Variants in NOX5 observed in about 807,000 individuals in gnomAD.
NOX5 encodes NADPH oxidase, EF-hand calcium binding domain 5.
A neutral mutation model predicts 85.7 loss-of-function variants in NOX5; 76 were observed. That is an observed-to-expected ratio of 0.89 (90% CI 0.74 to 1.07). The LOEUF is 1.07. Among genes scored for constraint, NOX5 ranks in the 50% least tolerant of loss-of-function variants. The pLI, the probability that NOX5 is intolerant of heterozygous loss-of-function variation, is 0.00. For missense variants in NOX5, 973 were observed against 999.5 expected (o/e 0.97, Z 0.36); for synonymous variants, 405 against 401.4 (o/e 1.01, Z -0.11).
chr15:69,046,485 G>T (rs2050675214), intron 10 of NOX5, among the ~76,000 whole-genome samples: 1 of 152,222 alleles, frequency 6.6e-6, no homozygotes, highest in South Asian at 2.1e-4. Context: ...AAACTGACTT[G>T]TGCTGGACCA....
chr15:69,019,064 T>C (rs1390158651), intron 1 of NOX5, among the ~76,000 whole-genome samples: 2 of 152,200 alleles, frequency 1.3e-5, no homozygotes, highest in African/African-American at 2.4e-5. Flanking sequence ...GGTTTCACTA[T>C]GTTGCGCAGG....
chr15:69,017,775 TACACACACACAC>T (rs35677555), intron 1 of NOX5, among the ~76,000 whole-genome samples: 14 of 146,758 alleles, frequency 9.5e-5, no homozygotes, highest in African/African-American at 3.2e-4. Flanking sequence ...ATATATTTTA[TACACACACACAC>T]ACACACACAC....
At position 69,033,096 on chromosome 15, in the gene NOX5, G is replaced by A. The variant is rs753269548; in HGVS notation, c.674G>A (p.Arg225His). The change falls in exon 5 of 16, where the codon CGC becomes CAC. Residue 225 changes from arginine to histidine, a missense_variant. Coordinates refer to ENST00000388866, the MANE Select transcript of NOX5 (RefSeq NM_024505.4). ...PAPRPRPRRP[R>H]QLTRAYWHNH... ...CCCCGCCCACGCCCGCGCCGGCCGCGCCAGCTGACCCGCGCCTACTGGCAC... is the reference window on the plus strand; with the variant it reads ...CCCCGCCCACGCCCGCGCCGGCCGCACCAGCTGACCCGCGCCTACTGGCAC... 4 of 1,554,282 alleles carry A rather than the reference G, an allele frequency of 2.6e-6. No individual in the cohort carries two copies. Among genetic ancestry groups the A allele is most frequent in the Non-Finnish European group, 3.5e-6 (4 of 1,157,644 alleles).
intron 15 of NOX5, 105 bp from the exon 16 acceptor site, chr15:69,056,460 T>C (rs1310971821): frequency 2.1e-6 from 3 of 1,450,388 alleles, no homozygotes; most frequent in African/African-American, 2.8e-5. Flanking sequence ...GGAATGCTCA[T>C]TGCTGCCGAC....
chr15:69,046,985 A>G lies in NOX5; in HGVS notation c.1692+119A>G, dbSNP rs2050681852. On this transcript the variant is annotated intron_variant, in intron 11 of 15. Coordinates refer to ENST00000388866, the MANE Select transcript of NOX5 (RefSeq NM_024505.4). ...GGGTACTCAAGCTCCTCAAATCCTC[A>G]TGGGCTGACATCCAGGTATCCGGGT... The G allele has an allele frequency of 5.0e-6, 5 of 990,358 alleles. No homozygotes were observed. In the South Asian group the frequency reaches 5.9e-5, roughly 12 times the overall value. The allele number at this position is 990,358 out of a possible 1,614,324, so 61.3% of individuals were successfully genotyped here. A position where few individuals can be genotyped will look rare whatever the true frequency, so the allele number is the denominator to read the frequency against.
chr15:69,031,877 G>A, intron 4 of NOX5, 65 bp downstream of exon 4: 5 of 1,485,882 alleles, frequency 3.4e-6, no homozygotes, highest in East Asian at 4.8e-5. Flanking sequence ...CGGAAGTGTG[G>A]CAGGAACTCA....
chr15:69,025,914 C>T (rs575971844), intron 1 of NOX5, among the ~76,000 whole-genome samples: 60 of 152,148 alleles, frequency 3.9e-4, no homozygotes, highest in Non-Finnish European at 7.2e-4. Flanking sequence ...AGAGTTAAGA[C>T]CTGAGGGCTG....
chr15:69,042,547 C>A, intron 9 of NOX5, 116 bp from the exon 10 acceptor site: 1 of 1,156,718 alleles, frequency 8.6e-7, no homozygotes, highest in Middle Eastern at 3.0e-4. Flanking sequence ...GAAGGACATT[C>A]AAACCAGGAC....
intron 8 of NOX5, chr15:69,038,293 T>C (rs977488964): frequency 6.0e-6 from 1 of 166,874 alleles, no homozygotes; most frequent in African/African-American, 2.4e-5. Flanking sequence ...CAGCCTCAGC[T>C]GCATTCAGAT....
chr15:69,035,597 G>C, intron 6 of NOX5, 90 bp downstream of exon 6: 1 of 1,560,702 alleles, frequency 6.4e-7, no homozygotes. Flanking sequence ...TGTACTGCCT[G>C]CCCAAAGGGC....
At chr15:69,043,900 T>C (rs1466010294) in intron 10 of NOX5, among the ~76,000 whole-genome samples, 1 of 152,118 alleles carries the variant, frequency 6.6e-6, no homozygotes, top group East Asian at 1.9e-4. Context: ...AAAAGCTAAT[T>C]GGGGGCCGGG....
chr15:69,030,764 A>T (rs2050418465), intron 3 of NOX5: 1 of 152,220 alleles, frequency 6.6e-6, no homozygotes, highest in African/African-American at 2.4e-5. Flanking sequence ...TCCTTCTCCC[A>T]GATACTGCGT....
Position 69,033,231 on chromosome 15 carries a change from C to T in NOX5, c.809C>T (p.Ala270Val), listed in dbSNP as rs759083636. 1.9e-6 allele frequency: 3 copies of T among 1,598,112 alleles called. No homozygotes were observed. The highest frequency in any genetic ancestry group is 3.3e-5 in the Admixed American group (2 of 59,768). ...GACCTCGGCGCCAGCGTCATGGTGG[C>T]CAAGGGCTGCGGCCAGTGCCTCAAC... is the stretch of plus-strand genomic sequence containing the variant. ...HRDLGASVMV[A>V]KGCGQCLNFD... The change falls in exon 5 of 16, where the codon GCC becomes GTC. Residue 270 changes from alanine (A) to valine (V), a missense_variant. Physicochemically the swap from Ala to Val is moderately conservative, Grantham distance 64. Transcript: ENST00000388866.
At chr15:69,017,410 C>T (rs1042814133) in intron 1 of NOX5, among the ~76,000 whole-genome samples, 1 of 152,124 alleles carries the variant, frequency 6.6e-6, no homozygotes, top group Admixed American at 6.5e-5. Flanking sequence ...CCTCGGCCCC[C>T]CAAAGTACTG....
chr15:69,047,088 A>C (rs2050683197), intron 11 of NOX5: 2 of 594,054 alleles, frequency 3.4e-6, no homozygotes, highest in South Asian at 4.4e-5. Flanking sequence ...CTTCACCAGG[A>C]GCAGGGATGG....
At position 69,056,747 on chromosome 15, in the gene NOX5, T is replaced by C. The variant is rs311906; in HGVS notation, c.*51T>C. On this transcript the variant is annotated 3_prime_UTR_variant, in exon 16 of 16. Transcript: ENST00000388866. ...AGTCCACACCATGGGTCTGCTTCAT[T>C]GCATTAGTATAAATGCCCCCACAGG... The C allele has an allele frequency of 0.99, 1,592,856 of 1,601,484 alleles. 792,454 individuals carry two copies. Among genetic ancestry groups the C allele is most frequent in the East Asian group, 1 (44,816 of 44,816 alleles).
At chr15:69,039,549 T>G (rs913479345) in intron 9 of NOX5, among the ~76,000 whole-genome samples, 2 of 152,142 alleles carry the variant, frequency 1.3e-5, no homozygotes, top group South Asian at 4.1e-4. Context: ...AGCAGCCAAT[T>G]GGGAGCCAGG....
chr15:69,035,479 GC>G lies in NOX5; in HGVS notation c.982del (p.His328ThrfsTer7), dbSNP rs1280604946. On this transcript the variant is annotated frameshift_variant, in exon 6 of 16. Transcript: ENST00000388866. LOFTEE classifies it high-confidence loss of function. ...ACGTGGTAGTGGGGCTGTCCCTCGTGCACACCGTGGCTCACACTGTGAACTT... is the reference window on the plus strand; with the variant it reads ...ACGTGGTAGTGGGGCTGTCCCTCGTGACACCGTGGCTCACACTGTGAACTT... The part of the protein sequence containing the change: ...GYVVVGLSLV[H>X]TVAHTVNFVL... 6.2e-7 allele frequency: 1 copy of G among 1,614,054 alleles called. No individual in the cohort carries two copies. Among genetic ancestry groups the G allele is most frequent in the Non-Finnish European group, 8.5e-7 (1 of 1,180,020 alleles).
chr15:69,051,124 C>G (rs1294009044), intron 14 of NOX5, among the ~76,000 whole-genome samples: 2 of 152,178 alleles, frequency 1.3e-5, no homozygotes, highest in Non-Finnish European at 2.9e-5. Flanking sequence ...CTGCAGTTCA[C>G]TTTTCCAGTC....
Sources: gnomAD v4.1 joint callset for allele counts (sites outside exome capture counted in the v4.1 genomes callset) on GRCh38, gnomAD v4.1.1 for gene constraint, MANE v1.5 for transcripts, NCBI Gene and HGNC (gene_info 2026-07-23, HGNC 2026-07-21) for gene names.